Variants in PLEKHG2 observed in about 807,000 individuals in gnomAD.
PLEKHG2 encodes pleckstrin homology domain-containing family G member 2.
Under a neutral mutation model 104.4 loss-of-function variants are expected in PLEKHG2, and 71 were observed. The observed-to-expected ratio is 0.68, with a 90% CI of 0.56 to 0.83. The LOEUF (loss-of-function observed/expected upper bound fraction) is 0.83. PLEKHG2 is among the 40% of genes least tolerant of loss of function. PLEKHG2 has a pLI of 0.00. For synonymous variants in PLEKHG2, 728 were observed against 737.0 expected (o/e 0.99, Z 0.20); for missense variants, 1,730 against 1,809.4 (o/e 0.96, Z 0.80).
rs553732817 is a variant in PLEKHG2 at position 39,424,265 on chromosome 19, C to A, written c.3132C>A (p.His1044Gln). The change falls in exon 19 of 19, where the codon CAC (histidine) becomes CAA (glutamine). Residue 1044 changes from histidine to glutamine, a missense_variant. His to Gln is a conservative substitution (Grantham distance 24). Transcript: ENST00000425673. ...CCCCTGTGCCCAAGCAAGAAGGTCA[C>A]CTAGACAGCGAGAGCCCAACCAATA... ...VTTPVPKQEG[H>Q]LDSESPTNIP... 1 of 1,614,172 alleles carries A rather than the reference C, an allele frequency of 6.2e-7. No individual in the cohort carries two copies. The highest frequency in any genetic ancestry group is 1.1e-5 in the South Asian group (1 of 91,088).
At chr19:39,420,308 G>A (rs1439170498) in intron 11 of PLEKHG2, among the ~76,000 whole-genome samples, 7 of 151,086 alleles carry the variant, frequency 4.6e-5, no homozygotes, top group South Asian at 2.1e-4. Context: ...GCAGTGAGCC[G>A]AAATCGCGCC....
rs540065744 is a variant in PLEKHG2, at chr19:39,425,633, G to C, written c.*339G>C. 2 of 402,354 alleles carry C rather than the reference G, an allele frequency of 5.0e-6. No individual in the cohort carries two copies. Among genetic ancestry groups the C allele is most frequent in the African/African-American group, 4.1e-5 (2 of 48,714 alleles). The allele number at this position is 402,354 out of a possible 1,614,324, so 24.9% of individuals were successfully genotyped here. On this transcript the variant is annotated 3_prime_UTR_variant, in exon 19 of 19. Transcript: ENST00000425673. ...CTTGGGGAATCTCAGACTCCTTTGA[G>C]AATTATTGGAAAATGGACCCACTAT...
rs746854171 is a variant in PLEKHG2 at position 39,416,595 on chromosome 19, G to A, written c.591G>A (p.Pro197=). Residue 197 remains proline (P), a splice_region_variant and synonymous_variant, in exon 6 of 19, where the codon CCG becomes CCA. Coordinates refer to ENST00000425673, the MANE Select transcript of PLEKHG2 (RefSeq NM_022835.3). The surrounding 1 kb of genome is among the most constrained non-coding windows in gnomAD (Gnocchi z 4.5). ...DIYTLYCMNY[P]SSLALLRELS... ...ACACATTGTACTGCATGAACTACCC[G>A]AGGTGAGGGGCAGGAGCCCCTGCTG... 28 of 1,613,742 alleles carry A rather than the reference G, an allele frequency of 1.7e-5. No homozygotes were observed. Among genetic ancestry groups the A allele is most frequent in the Middle Eastern group, 1.6e-4 (1 of 6,084 alleles).
Position 39,424,875 on chromosome 19 carries a change from G to C in PLEKHG2, c.3742G>C (p.Val1248Leu), listed in dbSNP as rs548263919. Reference sequence around the variant, plus strand: ...ACCAGGAGGCTCCTTAGCCTCTCACGTTGCCAGGTTGGAGTCTTCAGACTT... The same window carrying C: ...ACCAGGAGGCTCCTTAGCCTCTCACCTTGCCAGGTTGGAGTCTTCAGACTT... Reference protein sequence around the residue: ...SKPGGSLASHVARLESSDLTP... With the variant: ...SKPGGSLASHLARLESSDLTP... Residue 1248 changes from valine (V) to leucine (L), a missense_variant, in exon 19 of 19, where the codon GTT becomes CTT. Physicochemically the swap from Val to Leu is conservative, Grantham distance 32 (BLOSUM62 1). Coordinates refer to ENST00000425673, the MANE Select transcript of PLEKHG2 (RefSeq NM_022835.3). 6.2e-7 allele frequency: 1 copy of C among 1,614,160 alleles called. No homozygotes were observed. Among genetic ancestry groups the C allele is most frequent in the Non-Finnish European group, 8.5e-7 (1 of 1,180,030 alleles).
intron 9 of PLEKHG2, 136 bp downstream of exon 9, chr19:39,418,241 GCTTT>G (rs1243857461): frequency 1.0e-5 from 8 of 786,268 alleles, no homozygotes; most frequent in East Asian, 3.2e-5. Flanking sequence ...GCCAAGGGAA[GCTTT>G]CTTTCTAGTG....
rs772799575 is a variant in PLEKHG2 at position 39,420,758 on chromosome 19, C to A, written c.1305C>A (p.Pro435=). The A allele has an allele frequency of 2.5e-6, 4 of 1,614,030 alleles. No individual in the cohort carries two copies. Among genetic ancestry groups the A allele is most frequent in the Admixed American group, 3.3e-5 (2 of 60,000 alleles). The stretch of plus-strand genomic sequence containing the variant: ...CCAAAACTCTCCCCACAGGTGCCCC[C>A]AAAAGTAAGCCTGTCCTAGAGCCCC... ...VLLENSLHCA[P]KSKPVLEPLT... The change falls in exon 13 of 19, where the codon CCC becomes CCA. Residue 435 remains proline (P), a synonymous_variant. Transcript: ENST00000425673.
Position 39,415,451 on chromosome 19 carries a change from G to A in PLEKHG2, c.479+12G>A. On this transcript the variant is annotated intron_variant, in intron 4 of 18. Transcript: ENST00000425673. The surrounding 1 kb of genome is among the most constrained non-coding windows in gnomAD (Gnocchi z 4.6). ...TACGAGTTCAGCAGGTCAGGGGCAGGGGGGACAGGCAGGGGGCATTGATTG... is the reference window on the plus strand; with the variant it reads ...TACGAGTTCAGCAGGTCAGGGGCAGAGGGGACAGGCAGGGGGCATTGATTG... 1 of 1,613,720 alleles carries A rather than the reference G, an allele frequency of 6.2e-7. No individual in the cohort carries two copies. Among genetic ancestry groups the A allele is most frequent in the Non-Finnish European group, 8.5e-7 (1 of 1,179,874 alleles).
Position 39,420,865 on chromosome 19 carries a change from G to A in PLEKHG2, c.1399+13G>A. The A allele has an allele frequency of 1.2e-6, 2 of 1,614,086 alleles. No individual in the cohort carries two copies. The highest frequency in any genetic ancestry group is 1.7e-6 in the Non-Finnish European group (2 of 1,180,014). On this transcript the variant is annotated intron_variant, in intron 13 of 18. Transcript: ENST00000425673. ...CGAAGGAACACAGGTAAAGGCGGTG[G>A]ATCCCTGAGTCCCAGCCCTCAGCCC...
chr19:39,416,658 C>A lies in PLEKHG2; in HGVS notation c.593+61C>A. The A allele has an allele frequency of 1.3e-6, 2 of 1,594,248 alleles. No homozygotes were observed. The highest frequency in any genetic ancestry group is 1.7e-6 in the Non-Finnish European group (2 of 1,163,472). On this transcript the variant is annotated intron_variant, in intron 6 of 18. Transcript: ENST00000425673. The surrounding 1 kb of genome is among the most constrained non-coding windows in gnomAD (Gnocchi z 4.5). ...TGCCCACAAGCTGATGTGCCAGTCA[C>A]CCGTCACCCTCCCTCTACCCCCGAC...
Position 39,424,373 on chromosome 19 carries a change from G to T in PLEKHG2, c.3240G>T (p.Trp1080Cys), listed in dbSNP as rs1356052584. The T allele has an allele frequency of 6.2e-7, 1 of 1,614,004 alleles. No individual in the cohort carries two copies. Among genetic ancestry groups the T allele is most frequent in the East Asian group, 2.2e-5 (1 of 44,888 alleles). Reference protein sequence around the residue: ...VCSQPIQPLSWHGSSLDPQGP... With the variant: ...VCSQPIQPLSCHGSSLDPQGP... ...GTCAACCCATCCAGCCTTTGTCTTG[G>T]CATGGAAGCAGCCTGGATCCCCAGG... is the stretch of plus-strand genomic sequence containing the variant. The change falls in exon 19 of 19, where the codon TGG (tryptophan) becomes TGT (cysteine). Residue 1080 changes from tryptophan to cysteine, a missense_variant. By Grantham distance (215) the Trp-to-Cys change is radical (BLOSUM62 -2). Transcript: ENST00000425673.
Position 39,426,193 on chromosome 19 carries a change from G to C in PLEKHG2, c.*899G>C, listed in dbSNP as rs898911452. ...TCAGAGACAATTCCATGCTGATACG[G>C]GGGAGATCAATTTTGGGGCTCTGGG... On this transcript the variant is annotated 3_prime_UTR_variant, in exon 19 of 19. Transcript: ENST00000425673. 6.6e-6 allele frequency: 1 copy of C among 152,198 alleles called. No homozygotes were observed. Among genetic ancestry groups the C allele is most frequent in the Non-Finnish European group, 1.5e-5 (1 of 68,062 alleles). 9.4% of individuals were successfully genotyped at this position (152,198 alleles called of 1,614,324 possible).
intron 8 of PLEKHG2, 63 bp downstream of exon 8, chr19:39,417,755 G>GGGGGC: frequency 6.6e-7 from 1 of 1,525,370 alleles, no homozygotes; most frequent in Non-Finnish European, 8.8e-7. Context: ...CTTGGGGCGG[G>GGGGGC]TGGGGGGAAA....
chr19:39,420,715 A>G (rs921916500), intron 12 of PLEKHG2, 36 bp from the exon 13 acceptor site: 1 of 1,614,154 alleles, frequency 6.2e-7, no homozygotes, highest in South Asian at 1.1e-5. Context: ...ACTTCCAAGA[A>G]AAAGTTGGCT....
chr19:39,418,907 C>G lies in PLEKHG2; in HGVS notation c.1177-10C>G. 1 of 1,608,752 alleles carries G rather than the reference C, an allele frequency of 6.2e-7. No individual in the cohort carries two copies. Among genetic ancestry groups the G allele is most frequent in the Non-Finnish European group, 8.5e-7 (1 of 1,176,808 alleles). On this transcript the variant is annotated splice_polypyrimidine_tract_variant and intron_variant, in intron 10 of 18. Coordinates refer to ENST00000425673, the MANE Select transcript of PLEKHG2 (RefSeq NM_022835.3). ...CCTGGCCCCCTGACTCTACTCCAAC[C>G]CACTCCTAGGCCAAGAACCAAGAAG...
chr19:39,424,901 G>A lies in PLEKHG2; in HGVS notation c.3768G>A (p.Leu1256=). The change falls in exon 19 of 19, where the codon TTG becomes TTA. Residue 1256 remains leucine, a synonymous_variant. Coordinates refer to ENST00000425673, the MANE Select transcript of PLEKHG2 (RefSeq NM_022835.3). ...TTGCCAGGTTGGAGTCTTCAGACTT[G>A]ACGCCACCTCATAGTCCCCCACCTT... is the stretch of plus-strand genomic sequence containing the variant. The part of the protein sequence containing the change: ...SHVARLESSD[L]TPPHSPPPSS... 2 of 1,614,194 alleles carry A rather than the reference G, an allele frequency of 1.2e-6. No homozygotes were observed. The highest frequency in any genetic ancestry group is 1.7e-6 in the Non-Finnish European group (2 of 1,180,040).
rs546497783 is a variant in PLEKHG2 at position 39,420,085 on chromosome 19, C to T, written c.1264-541C>T. ...ATAAAAATAAAATAGCTGGGCTGGACGTGGTGGTTCACGCCTGTAATCCCA... is the reference window on the plus strand; with the variant it reads ...ATAAAAATAAAATAGCTGGGCTGGATGTGGTGGTTCACGCCTGTAATCCCA... On this transcript the variant is annotated intron_variant, in intron 11 of 18. Transcript: ENST00000425673. 1.1e-4 allele frequency among the ~76,000 whole-genome samples: 16 copies of T among 151,814 alleles called. 1 individual carries two copies. Among genetic ancestry groups the T allele is most frequent in the South Asian group, 8.3e-4 (4 of 4,804 alleles).
chr19:39,415,206 G>C lies in PLEKHG2; in HGVS notation c.324G>C (p.Arg108=), dbSNP rs1265693369. 6.3e-7 allele frequency: 1 copy of C among 1,583,192 alleles called. No homozygotes were observed. The highest frequency in any genetic ancestry group is 1.8e-5 in the Admixed American group (1 of 55,394). The change falls in exon 3 of 19, where the codon CGG becomes CGC. Residue 108 remains arginine, a synonymous_variant. Coordinates refer to ENST00000425673, the MANE Select transcript of PLEKHG2 (RefSeq NM_022835.3). The surrounding 1 kb of genome is among the most constrained non-coding windows in gnomAD (Gnocchi z 4.6). The part of the protein sequence containing the change: ...ARPSRLERVA[R]EIVETERAYV... Reference sequence around the variant, plus strand: ...CCTCAAGGCTGGAGCGTGTGGCCCGGGAGATCGTGGAGACAGAACGGGCCT... The same window carrying C: ...CCTCAAGGCTGGAGCGTGTGGCCCGCGAGATCGTGGAGACAGAACGGGCCT...
At chr19:39,417,081 A>C (rs1048218018) in intron 7 of PLEKHG2, 81 bp downstream of exon 7, 1 of 1,455,690 alleles carries the variant, frequency 6.9e-7, no homozygotes, top group Non-Finnish European at 9.1e-7. Context: ...TGGAGGATGG[A>C]CCCCCCACGA....
intron 18 of PLEKHG2, 34 bp from the exon 19 acceptor site, chr19:39,423,699 A>T (rs1241671453): frequency 6.3e-7 from 1 of 1,580,568 alleles, no homozygotes; most frequent in Non-Finnish European, 8.6e-7. Context: ...CCGCTGGAGT[A>T]GTGGTCCTGA....
Sources: gnomAD v4.1 joint callset for allele counts (sites outside exome capture counted in the v4.1 genomes callset) on GRCh38, gnomAD v4.1.1 for gene constraint, Gnocchi (gnomAD v3.1) non-coding constraint, MANE v1.5 for transcripts, NCBI Gene and HGNC (gene_info 2026-07-23, HGNC 2026-07-21) for gene names.